The following CIAO2A variants were observed in gnomAD, a reference collection of about 807,000 sequenced individuals.
CIAO2A encodes the protein cytosolic iron-sulfur assembly component 2A, also known as MIP18 family protein FAM96A.
A neutral mutation model predicts 22.4 loss-of-function variants in CIAO2A; 17 were observed. That is an observed-to-expected ratio of 0.76 (90% CI 0.52 to 1.14). The LOEUF (loss-of-function observed/expected upper bound fraction) is 1.14, where lower values mean the gene tolerates loss of function less well. Ranked by LOEUF, CIAO2A falls within the 50% of genes most tolerant of loss-of-function variation. The pLI is 0.00. For synonymous variants in CIAO2A, 74 were observed against 72.3 expected (o/e 1.02, Z -0.12); for missense variants, 192 against 191.4 (o/e 1.00, Z -0.02).
At chr15:64,091,389 G>A (rs2080838591) in intron 1 of CIAO2A, among the ~76,000 whole-genome samples, 1 of 151,852 alleles carries the variant, frequency 6.6e-6, no homozygotes, top group African/African-American at 2.4e-5. Flanking sequence ...GGAGGCTGAG[G>A]TAGGAGAATC....
At chr15:64,077,554 G>A (rs1327864256) in intron 3 of CIAO2A, among the ~76,000 whole-genome samples, 1 of 152,170 alleles carries the variant, frequency 6.6e-6, no homozygotes, top group Non-Finnish European at 1.5e-5. Context: ...GAATTTATAG[G>A]CCTCTGATGT....
chr15:64,076,202 G>A (rs890915272), intron 3 of CIAO2A, among the ~76,000 whole-genome samples: 3 of 151,578 alleles, frequency 2.0e-5, no homozygotes, highest in Non-Finnish European at 2.9e-5. Context: ...TTCCCAACTC[G>A]GTATCTAAAC....
chr15:64,084,157 A>C (rs2080776659), intron 2 of CIAO2A, among the ~76,000 whole-genome samples: 1 of 152,068 alleles, frequency 6.6e-6, no homozygotes, highest in Non-Finnish European at 1.5e-5. Context: ...CTATAACTGC[A>C]ATCATGATGC....
chr15:64,079,744 T>C lies in CIAO2A; in HGVS notation c.339+1358A>G, dbSNP rs566614628. 2.0e-5 allele frequency among the ~76,000 whole-genome samples: 3 copies of C among 152,320 alleles called. No homozygotes were observed. The South Asian group carries it at 6.2e-4, about 32-fold the overall frequency. On this transcript the variant is annotated intron_variant, in intron 3 of 4. Coordinates refer to ENST00000300030, the MANE Select transcript of CIAO2A (RefSeq NM_032231.7). ...CTGTGATATCCATATTCTTGCTCAA[T>C]AGTAGGGTTAAAAACATCTTCCTCA...
chr15:64,081,437 T>C (rs938707079), intron 2 of CIAO2A, among the ~76,000 whole-genome samples: 1 of 151,896 alleles, frequency 6.6e-6, no homozygotes, highest in African/African-American at 2.4e-5. Context: ...GTTACAACAG[T>C]GGCAGAATTG....
intron 1 of CIAO2A, among the ~76,000 whole-genome samples, chr15:64,089,343 T>C (rs1444332709): frequency 2.0e-5 from 3 of 151,980 alleles, no homozygotes; most frequent in African/African-American, 7.2e-5. Context: ...AGCAACATAA[T>C]GAGACCCCCG....
chr15:64,074,204 G>A (rs756839867), intron 4 of CIAO2A: 7 of 152,188 alleles, frequency 4.6e-5, no homozygotes, highest in Non-Finnish European at 8.8e-5. Flanking sequence ...AAAGAGAGAC[G>A]ACTATATTCT....
intron 1 of CIAO2A, among the ~76,000 whole-genome samples, chr15:64,093,228 T>G (rs1157962735): frequency 6.6e-6 from 1 of 152,154 alleles, no homozygotes; most frequent in African/African-American, 2.4e-5. Context: ...ACAAGCGCCC[T>G]CAGCGGTAGC....
At chr15:64,088,993 T>G in intron 1 of CIAO2A, 142 bp from the exon 2 acceptor site, 1 of 697,820 alleles carries the variant, frequency 1.4e-6, no homozygotes, top group Non-Finnish European at 2.3e-6. Flanking sequence ...TGACAGAAAT[T>G]TTCACTACTG....
At chr15:64,081,410 T>A (rs1226227115) in intron 2 of CIAO2A, among the ~76,000 whole-genome samples, 3 of 152,142 alleles carry the variant, frequency 2.0e-5, no homozygotes, top group Admixed American at 1.3e-4. Context: ...ACAACGTAAC[T>A]TCCTCAAGGT....
At chr15:64,087,146 C>T (rs2080804102) in intron 2 of CIAO2A, among the ~76,000 whole-genome samples, 1 of 130,796 alleles carries the variant, frequency 7.6e-6, no homozygotes, top group African/African-American at 2.8e-5. Flanking sequence ...GGCTGGAGTG[C>T]AGTGGTGCAA....
In CIAO2A at chr15:64,088,738, T is replaced by C. The variant is rs745890561; in HGVS notation, c.238A>G (p.Ile80Val). 6 of 1,613,818 alleles carry C rather than the reference T, an allele frequency of 3.7e-6. No individual in the cohort carries two copies. Among genetic ancestry groups the C allele is most frequent in the Non-Finnish European group, 3.4e-6 (4 of 1,179,974 alleles). Residue 80 changes from isoleucine to valine, a missense_variant, in exon 2 of 5, where the codon ATT (isoleucine) becomes GTT (valine). Ile to Val is a conservative substitution (Grantham distance 29). Coordinates refer to ENST00000300030, the MANE Select transcript of CIAO2A (RefSeq NM_032231.7). ...QEINEEEYLV[I>V]IRFTPTVPHC... is the part of the protein sequence containing the mutation. ...GGTACTGTTGGCGTGAACCTGATAATAACCAGATATTCTTCTTCATTTATC... is the reference window on the plus strand; with the variant it reads ...GGTACTGTTGGCGTGAACCTGATAACAACCAGATATTCTTCTTCATTTATC...
chr15:64,085,663 C>T (rs1005592275), intron 2 of CIAO2A, among the ~76,000 whole-genome samples: 2 of 152,054 alleles, frequency 1.3e-5, no homozygotes, highest in African/African-American at 4.8e-5. Flanking sequence ...TGCCGAAGCC[C>T]ACAATACGGT....
At chr15:64,090,817 G>C (rs958618248) in intron 1 of CIAO2A, among the ~76,000 whole-genome samples, 1 of 152,210 alleles carries the variant, frequency 6.6e-6, no homozygotes, top group Non-Finnish European at 1.5e-5. Context: ...CTAGAACAAT[G>C]ACAAGGATAA....
rs1204618773 is a variant in CIAO2A at position 64,081,091 on chromosome 15, A to T, written c.339+11T>A. 1 of 1,611,240 alleles carries T rather than the reference A, an allele frequency of 6.2e-7. No homozygotes were observed. On this transcript the variant is annotated intron_variant, in intron 3 of 4. Coordinates refer to ENST00000300030, the MANE Select transcript of CIAO2A (RefSeq NM_032231.7). ...ACAACAACAACAACAACAAAAATAC[A>T]TCTTTCTTACCTTATGTTTAAATGG... is the stretch of plus-strand genomic sequence containing the variant.
intron 1 of CIAO2A, among the ~76,000 whole-genome samples, chr15:64,092,631 T>C (rs1253014337): frequency 1.3e-5 from 2 of 152,214 alleles, no homozygotes; most frequent in African/African-American, 4.8e-5. Context: ...GTCTGCTTTG[T>C]GGAGATCATT....
chr15:64,082,297 C>T (rs1233359855), intron 2 of CIAO2A, among the ~76,000 whole-genome samples: 1 of 152,120 alleles, frequency 6.6e-6, no homozygotes, highest in African/African-American at 2.4e-5. Flanking sequence ...GGCGAGATCT[C>T]AGCTCACTGC....
rs200951649 is a variant in CIAO2A, at chr15:64,093,538, A to C, written c.124+107T>G. On this transcript the variant is annotated intron_variant, in intron 1 of 4. Transcript: ENST00000300030. Reference sequence around the variant, plus strand: ...AAAAACAAACAAACAAACAAACAAAAAAAAAGGTCTCCCCTCCCAGCCCTC... The same window carrying C: ...AAAAACAAACAAACAAACAAACAAACAAAAAGGTCTCCCCTCCCAGCCCTC... The C allele has an allele frequency of 5.6e-4, 738 of 1,307,416 alleles. 1 individual carries two copies. Among genetic ancestry groups the C allele is most frequent in the Middle Eastern group, 1.5e-3 (5 of 3,420 alleles). The allele number at this position is 1,307,416 out of a possible 1,614,324, so 81.0% of individuals were successfully genotyped here. A position where few individuals can be genotyped will look rare whatever the true frequency, so the allele number is the denominator to read the frequency against.
intron 3 of CIAO2A, among the ~76,000 whole-genome samples, 183 bp from the exon 4 acceptor site, chr15:64,075,720 G>A (rs1331670332): frequency 2.7e-5 from 4 of 149,902 alleles, no homozygotes; most frequent in Non-Finnish European, 4.4e-5. Flanking sequence ...GCATGATCTC[G>A]GCTCACTGCA....
Sources: allele counts gnomAD v4.1 joint callset (sites outside exome capture counted in the v4.1 genomes callset), GRCh38; gene constraint gnomAD v4.1.1; transcripts MANE v1.5; gene names NCBI Gene and HGNC (gene_info 2026-07-23, HGNC 2026-07-21).